Variants in TLE1 observed in about 807,000 individuals in gnomAD.
TLE1 encodes TLE family member 1, transcriptional corepressor.
TLE1 carries 21 observed loss-of-function variants against 89.8 expected under a neutral mutation model. That is an observed-to-expected ratio of 0.23 (90% confidence interval 0.17 to 0.34). The LOEUF (loss-of-function observed/expected upper bound fraction) is 0.34. TLE1 is among the 10% of genes least tolerant of loss of function. The probability of loss-of-function intolerance (pLI) is 1.00; values close to 1 mark genes in which losing one functional copy is unlikely to be tolerated. For missense variants in TLE1, 795 were observed against 1,031.2 expected (o/e 0.77, Z 3.14); for synonymous variants, 447 against 407.6 (o/e 1.10, Z -1.16).
At chr9:81,641,290 A>C (rs1208442153) in intron 6 of TLE1, among the ~76,000 whole-genome samples, 3 of 152,198 alleles carry the variant, frequency 2.0e-5, no homozygotes, top group Non-Finnish European at 4.4e-5. Flanking sequence ...GCAGCAGAAA[A>C]CATCAAGGAC....
At chr9:81,630,528 A>G (rs556130508) in intron 8 of TLE1, among the ~76,000 whole-genome samples, 1 of 152,278 alleles carries the variant, frequency 6.6e-6, no homozygotes, top group East Asian at 1.9e-4. Context: ...CAAAATATTA[A>G]CCTAGTAAAT....
At chr9:81,624,148 G>A (rs546740494) in intron 8 of TLE1, among the ~76,000 whole-genome samples, 1 of 152,190 alleles carries the variant, frequency 6.6e-6, no homozygotes, top group African/African-American at 2.4e-5. Context: ...ACATTCTAAT[G>A]TGACATAATA....
intron 2 of TLE1, 55 bp downstream of exon 2, chr9:81,687,279 T>G: frequency 6.7e-7 from 1 of 1,494,942 alleles, no homozygotes; most frequent in Non-Finnish European, 9.1e-7. Flanking sequence ...CCCGGCTGGG[T>G]GCAAGGGGCA....
chr9:81,670,333 C>T (rs904075111), intron 4 of TLE1, among the ~76,000 whole-genome samples: 7 of 148,464 alleles, frequency 4.7e-5, no homozygotes, highest in African/African-American at 1.5e-4. Flanking sequence ...AGTCCCTTCC[C>T]TTTTTTTTTT....
At position 81,616,095 on chromosome 9, in the gene TLE1, G is replaced by A. The variant is rs1336572403; in HGVS notation, c.805C>T (p.Arg269Trp). Residue 269 changes from arginine (R) to tryptophan (W), a missense_variant, in exon 11 of 20, where the codon CGG (arginine) becomes TGG (tryptophan). Physicochemically the swap from Arg to Trp is moderately radical, Grantham distance 101 (BLOSUM62 -3). This residue lies in a region of TLE1 where 468 missense variants were observed against 509.1 expected (regional missense o/e 0.92). Coordinates refer to ENST00000376499, the MANE Select transcript of TLE1 (RefSeq NM_005077.5). Reference sequence around the variant, plus strand: ...CGATTTTTGTCGATTCCATTTTCCCGGGGCGAGTGGGCAGGGCTTGCTCGC... The same window carrying A: ...CGATTTTTGTCGATTCCATTTTCCCAGGGCGAGTGGGCAGGGCTTGCTCGC... The part of the protein sequence containing the change: ...SPRASPAHSP[R>W]ENGIDKNRLL... The A allele has an allele frequency of 1.1e-5, 18 of 1,614,026 alleles. No homozygotes were observed. The highest frequency in any genetic ancestry group is 1.4e-5 in the Non-Finnish European group (16 of 1,180,004).
intron 16 of TLE1, among the ~76,000 whole-genome samples, chr9:81,589,324 C>T (rs1173725587): frequency 1.3e-5 from 2 of 152,192 alleles, no homozygotes; most frequent in African/African-American, 2.4e-5. Context: ...CTCTCTCCGT[C>T]CATATACTAT....
At chr9:81,668,192 T>C (rs1242003668) in intron 4 of TLE1, among the ~76,000 whole-genome samples, 1 of 149,384 alleles carries the variant, frequency 6.7e-6, no homozygotes, top group Non-Finnish European at 1.5e-5. Context: ...GAAGGATATG[T>C]AAAGGAAGTT....
chr9:81,642,781 T>G (rs1191079830), intron 6 of TLE1, among the ~76,000 whole-genome samples: 2 of 152,178 alleles, frequency 1.3e-5, no homozygotes, highest in East Asian at 3.9e-4. Context: ...CTGCAATCCA[T>G]GACCACTGCA....
chr9:81,672,260 G>A (rs1462245531), intron 4 of TLE1, among the ~76,000 whole-genome samples: 1 of 152,074 alleles, frequency 6.6e-6, no homozygotes, highest in Non-Finnish European at 1.5e-5. Context: ...GGGATTAAGA[G>A]TAAACAGCCT....
In TLE1 at chr9:81,656,874, T is replaced by A. The variant is rs149418035; in HGVS notation, c.235-2838A>T. The stretch of plus-strand genomic sequence containing the variant: ...CAGATCTCTAAAAGGAATCCCTAGA[T>A]GTGAAACTGCTGGGTCAAAGTGTAT... On this transcript the variant is annotated intron_variant, in intron 4 of 19. Transcript: ENST00000376499. 4.5e-4 allele frequency among the ~76,000 whole-genome samples: 68 copies of A among 152,332 alleles called. 2 individuals are homozygous for A. The East Asian group carries it at 0.012, about 26-fold the overall frequency.
chr9:81,615,189 C>A (rs183278967), intron 11 of TLE1, among the ~76,000 whole-genome samples: 6 of 142,294 alleles, frequency 4.2e-5, no homozygotes, highest in East Asian at 2.1e-4. Flanking sequence ...TGGTACCAGG[C>A]GTGGTGGTGA....
chr9:81,651,003 T>C (rs1375312912), intron 6 of TLE1, among the ~76,000 whole-genome samples: 1 of 152,178 alleles, frequency 6.6e-6, no homozygotes, highest in Non-Finnish European at 1.5e-5. Context: ...TTAATCCTCC[T>C]TGGCTCTTAT....
At chr9:81,634,602 G>C (rs781665210) in intron 6 of TLE1, among the ~76,000 whole-genome samples, 10 of 152,130 alleles carry the variant, frequency 6.6e-5, no homozygotes, top group Admixed American at 3.9e-4. Context: ...CACTCCGAGA[G>C]GGGAGCTGTT....
chr9:81,669,113 G>A (rs575763668), intron 4 of TLE1, among the ~76,000 whole-genome samples: 1 of 152,108 alleles, frequency 6.6e-6, no homozygotes, highest in Non-Finnish European at 1.5e-5. Context: ...ACTCCTTCTG[G>A]AAGAACAGAA....
intron 4 of TLE1, among the ~76,000 whole-genome samples, chr9:81,681,753 A>G (rs1833658181): frequency 1.3e-5 from 2 of 152,106 alleles, no homozygotes; most frequent in Non-Finnish European, 1.5e-5. Context: ...TTATCTACCC[A>G]TGGCCTGTGA....
At chr9:81,606,320 A>G (rs978978697) in intron 14 of TLE1, among the ~76,000 whole-genome samples, 1 of 152,232 alleles carries the variant, frequency 6.6e-6, no homozygotes, top group African/African-American at 2.4e-5. Context: ...ACACATGCAC[A>G]CATATGTTTA....
intron 4 of TLE1, among the ~76,000 whole-genome samples, chr9:81,673,350 C>T (rs1177114028): frequency 7.0e-6 from 1 of 143,878 alleles, no homozygotes. Flanking sequence ...AAGATAAATG[C>T]TTATGATCTT....
intron 15 of TLE1, among the ~76,000 whole-genome samples, chr9:81,592,119 A>G (rs112506321): frequency 0.033 from 4,988 of 152,216 alleles, 129 homozygotes; most frequent in Non-Finnish European, 0.053. Flanking sequence ...AGCACTTTGG[A>G]AGGCCAAGGC....
intron 12 of TLE1, 43 bp downstream of exon 12, chr9:81,613,334 A>C (rs779054670): frequency 1.2e-6 from 2 of 1,600,368 alleles, no homozygotes. Context: ...CAAGCTGGGA[A>C]TGGGAGAAAC....
Sources: gnomAD v4.1 joint callset for allele counts (sites outside exome capture counted in the v4.1 genomes callset) on GRCh38, gnomAD v4.1.1 for gene constraint, gnomAD v4.1.1 regional missense constraint, MANE v1.5 for transcripts, NCBI Gene and HGNC (gene_info 2026-07-23, HGNC 2026-07-21) for gene names.